The following CACNA2D3 variants were observed in gnomAD, a reference collection of about 807,000 sequenced individuals.
The protein encoded by CACNA2D3 is calcium voltage-gated channel auxiliary subunit alpha2delta 3, also known as voltage-dependent calcium channel subunit alpha-2/delta-3.
In CACNA2D3, 60 loss-of-function variants were observed where a neutral mutation model predicts 160.6. The ratio of observed to expected loss-of-function variants is 0.37; its 90% CI spans 0.30 to 0.46. The LOEUF (loss-of-function observed/expected upper bound fraction) is 0.46, where lower values mean the gene tolerates loss of function less well. Among genes scored for constraint, CACNA2D3 ranks in the 20% least tolerant of loss-of-function variants. CACNA2D3 has a pLI of 1.00. For missense variants in CACNA2D3, 1,205 were observed against 1,365.0 expected (o/e 0.88, Z 1.85); for synonymous variants, 558 against 492.9 (o/e 1.13, Z -1.75).
intron 4 of CACNA2D3, among the ~76,000 whole-genome samples, chr3:54,499,422 T>TA (rs1461051579): frequency 1.3e-5 from 2 of 152,152 alleles, no homozygotes; most frequent in African/African-American, 2.4e-5. Flanking sequence ...CTTTGCAGAA[T>TA]AAAAAATATA....
At chr3:54,509,135 T>G (rs1032087603) in intron 5 of CACNA2D3, among the ~76,000 whole-genome samples, 18 of 152,364 alleles carry the variant, frequency 1.2e-4, no homozygotes, top group African/African-American at 4.3e-4. Context: ...TAAGGAAAAT[T>G]TAATCCATAT....
chr3:54,294,718 A>G (rs1051419151), intron 2 of CACNA2D3, among the ~76,000 whole-genome samples: 3 of 152,158 alleles, frequency 2.0e-5, no homozygotes, highest in Non-Finnish European at 2.9e-5. Flanking sequence ...GGGCATTTCC[A>G]GTGCAGGGTG....
intron 10 of CACNA2D3, among the ~76,000 whole-genome samples, chr3:54,640,147 C>T (rs910360466): frequency 2.6e-5 from 4 of 152,132 alleles, no homozygotes; most frequent in Non-Finnish European, 4.4e-5. Flanking sequence ...GCCATCTGGG[C>T]GTGTACGTGC....
At chr3:54,382,842 C>T (rs1699126585) in intron 3 of CACNA2D3, among the ~76,000 whole-genome samples, 1 of 152,150 alleles carries the variant, frequency 6.6e-6, no homozygotes, top group African/African-American at 2.4e-5. Flanking sequence ...CCCCATGACT[C>T]AGCTTTTTTT....
intron 9 of CACNA2D3, among the ~76,000 whole-genome samples, chr3:54,618,972 G>A (rs187459980): frequency 2.8e-4 from 42 of 152,282 alleles, no homozygotes; most frequent in Admixed American, 3.9e-4. Context: ...TCCAAGAAAC[G>A]CATTTGAATC....
Position 54,552,449 on chromosome 3 carries a change from C to G in CACNA2D3, c.545-10351C>G, listed in dbSNP as rs74658900. Among the ~76,000 whole-genome samples, 1,098 of 152,274 alleles carry G rather than the reference C, an allele frequency of 7.2e-3. 49 individuals are homozygous for G. The East Asian group carries it at 0.12, about 17-fold the overall frequency. On this transcript the variant is annotated intron_variant, in intron 5 of 37. Transcript: ENST00000474759. Reference sequence around the variant, plus strand: ...TCCCTGCCATTGCTTTCTCCCACCCCCTGTGTACTGTCTGGTAGCCAGTAA... The same window carrying G: ...TCCCTGCCATTGCTTTCTCCCACCCGCTGTGTACTGTCTGGTAGCCAGTAA...
intron 2 of CACNA2D3, among the ~76,000 whole-genome samples, chr3:54,306,412 A>G (rs1703602928): frequency 6.6e-6 from 1 of 152,196 alleles, no homozygotes; most frequent in South Asian, 2.1e-4. Context: ...TTATCTTGAG[A>G]ATAATGTGTG....
intron 11 of CACNA2D3, among the ~76,000 whole-genome samples, chr3:54,719,473 A>G (rs965977123): frequency 4.3e-4 from 65 of 151,974 alleles, no homozygotes; most frequent in African/African-American, 1.5e-3. Context: ...TTTTCAAATG[A>G]TAAAATAACT....
At chr3:54,727,553 T>C (rs1439408123) in intron 11 of CACNA2D3, among the ~76,000 whole-genome samples, 2 of 152,218 alleles carry the variant, frequency 1.3e-5, no homozygotes, top group South Asian at 2.1e-4. Flanking sequence ...GTGGCACATA[T>C]ACACCATGGA....
At chr3:54,963,209 G>A (rs1559646827) in intron 27 of CACNA2D3, among the ~76,000 whole-genome samples, 1 of 152,116 alleles carries the variant, frequency 6.6e-6, no homozygotes, top group Non-Finnish European at 1.5e-5. Flanking sequence ...GTTGTCTCAC[G>A]CTGGCAGTCC....
At chr3:54,685,855 T>C (rs1700440378) in intron 11 of CACNA2D3, among the ~76,000 whole-genome samples, 1 of 152,320 alleles carries the variant, frequency 6.6e-6, no homozygotes, top group South Asian at 2.1e-4. Flanking sequence ...ATCACTCATC[T>C]GTGCTTTCCT....
At chr3:54,312,215 C>T (rs945534925) in intron 2 of CACNA2D3, among the ~76,000 whole-genome samples, 3 of 152,146 alleles carry the variant, frequency 2.0e-5, no homozygotes, top group African/African-American at 7.2e-5. Flanking sequence ...CCTTGCTGTG[C>T]CATCTCCCCG....
chr3:54,864,855 C>T lies in CACNA2D3; in HGVS notation c.1627-6684C>T, dbSNP rs1575518255. On this transcript the variant is annotated intron_variant, in intron 17 of 37. Coordinates refer to ENST00000474759, the MANE Select transcript of CACNA2D3 (RefSeq NM_018398.3). ...AAACGAGGTTGGGCTGGCTGCACCA[C>T]GATGCTGCTGCCTGTCAGCCATGTC... Among the ~76,000 whole-genome samples, 3 of 152,284 alleles carry T rather than the reference C, an allele frequency of 2.0e-5. No individual in the cohort carries two copies. In the East Asian group the frequency reaches 5.8e-4, roughly 30 times the overall value.
chr3:54,250,949 A>G (rs1297492600), intron 2 of CACNA2D3, among the ~76,000 whole-genome samples: 2 of 152,132 alleles, frequency 1.3e-5, no homozygotes, highest in African/African-American at 2.4e-5. Flanking sequence ...TTGAAGGCCA[A>G]TGACAGGAAG....
At chr3:54,256,940 G>C (rs1702309113) in intron 2 of CACNA2D3, among the ~76,000 whole-genome samples, 1 of 152,202 alleles carries the variant, frequency 6.6e-6, no homozygotes, top group Non-Finnish European at 1.5e-5. Flanking sequence ...TTGGGTCAGT[G>C]CTGGCACTTT....
chr3:54,892,659 A>G (rs908148963), intron 25 of CACNA2D3, among the ~76,000 whole-genome samples: 1 of 152,126 alleles, frequency 6.6e-6, no homozygotes. Context: ...CCTGGGAAGG[A>G]CTAGAGGTGC....
chr3:54,740,242 G>C (rs1038440179), intron 11 of CACNA2D3, among the ~76,000 whole-genome samples: 3 of 152,126 alleles, frequency 2.0e-5, no homozygotes, highest in Non-Finnish European at 4.4e-5. Flanking sequence ...CTGTCTGAGA[G>C]ATTAAGACAC....
chr3:54,725,950 A>AT (rs1481289829), intron 11 of CACNA2D3, among the ~76,000 whole-genome samples: 1 of 152,114 alleles, frequency 6.6e-6, no homozygotes, highest in African/African-American at 2.4e-5. Context: ...GGGTATTCAT[A>AT]TAGGAAGAGA....
At chr3:54,414,997 A>G (rs185826036) in intron 4 of CACNA2D3, among the ~76,000 whole-genome samples, 1 of 152,218 alleles carries the variant, frequency 6.6e-6, no homozygotes, top group East Asian at 1.9e-4. Flanking sequence ...ACACAGTGTG[A>G]TTGCGGTGTT....
Sources: gnomAD v4.1 joint callset for allele counts (sites outside exome capture counted in the v4.1 genomes callset) on GRCh38, gnomAD v4.1.1 for gene constraint, MANE v1.5 for transcripts, NCBI Gene and HGNC (gene_info 2026-07-23, HGNC 2026-07-21) for gene names.